Variants in EMID1 observed in about 807,000 individuals in gnomAD.
EMID1 encodes the protein EMI domain-containing protein 1.
Under a neutral mutation model 60.6 loss-of-function variants are expected in EMID1, and 40 were observed. The observed-to-expected ratio is 0.66, with a 90% CI of 0.51 to 0.86. EMID1 has a LOEUF of 0.86. Ranked by LOEUF, EMID1 falls within the 40% of genes least tolerant of loss-of-function variation. The pLI, the probability that EMID1 is intolerant of heterozygous loss-of-function variation, is 0.00. For missense variants in EMID1, 585 were observed against 597.1 expected (o/e 0.98, Z 0.21); for synonymous variants, 242 against 231.0 (o/e 1.05, Z -0.43).
At chr22:29,213,094 G>A (rs1358721962) in intron 1 of EMID1, among the ~76,000 whole-genome samples, 1 of 152,178 alleles carries the variant, frequency 6.6e-6, no homozygotes, top group Non-Finnish European at 1.5e-5. Context: ...TATAGAAATA[G>A]TTGACGTTCT....
rs991106638 is a variant in EMID1 at position 29,233,352 on chromosome 22, A to T, written c.824-27A>T. On this transcript the variant is annotated intron_variant, in intron 8 of 14. Coordinates refer to ENST00000334018, the MANE Select transcript of EMID1 (RefSeq NM_133455.4). Reference sequence around the variant, plus strand: ...TAACCACCCCACTCTACCCAGCTCTACTCACTCATCATCTTTGCTCACCCA... The same window carrying T: ...TAACCACCCCACTCTACCCAGCTCTTCTCACTCATCATCTTTGCTCACCCA... 4 of 1,612,226 alleles carry T rather than the reference A, an allele frequency of 2.5e-6. No individual in the cohort carries two copies. The South Asian group carries it at 4.4e-5, about 18-fold the overall frequency.
intron 5 of EMID1, among the ~76,000 whole-genome samples, chr22:29,228,850 C>T (rs1198545339): frequency 6.6e-6 from 1 of 152,170 alleles, no homozygotes; most frequent in Non-Finnish European, 1.5e-5. Flanking sequence ...CCTGCCTCAG[C>T]CTCCAGGAGT....
intron 3 of EMID1, among the ~76,000 whole-genome samples, chr22:29,217,601 G>A (rs1053304098): frequency 2.0e-5 from 3 of 152,226 alleles, no homozygotes; most frequent in Admixed American, 6.5e-5. Flanking sequence ...CAGCAGCCCC[G>A]GCTCGTCCAC....
rs764672609 is a variant in EMID1, at chr22:29,232,247, C to T, written c.677-9C>T. On this transcript the variant is annotated splice_polypyrimidine_tract_variant and intron_variant, in intron 7 of 14. Coordinates refer to ENST00000334018, the MANE Select transcript of EMID1 (RefSeq NM_133455.4). Reference sequence around the variant, plus strand: ...TGTATACCCACAAATCCGTGTGATTCCATTGCAGGTCCACAGGGCCCCCCA... The same window carrying T: ...TGTATACCCACAAATCCGTGTGATTTCATTGCAGGTCCACAGGGCCCCCCA... 6 of 1,611,492 alleles carry T rather than the reference C, an allele frequency of 3.7e-6. No individual in the cohort carries two copies. In the South Asian group the frequency reaches 5.5e-5, roughly 15 times the overall value.
At chr22:29,213,814 G>A (rs1324173747) in intron 1 of EMID1, among the ~76,000 whole-genome samples, 1 of 152,178 alleles carries the variant, frequency 6.6e-6, no homozygotes, top group African/African-American at 2.4e-5. Context: ...CGTTTACAGA[G>A]CCACAGACCG....
intron 13 of EMID1, among the ~76,000 whole-genome samples, chr22:29,253,387 A>C (rs982228082): frequency 2.6e-5 from 4 of 152,260 alleles, no homozygotes; most frequent in Non-Finnish European, 5.9e-5. Flanking sequence ...GTTCCAGACC[A>C]GCCTGACCAA....
At chr22:29,248,211 G>A (rs980889032) in intron 13 of EMID1, among the ~76,000 whole-genome samples, 9 of 150,370 alleles carry the variant, frequency 6.0e-5, no homozygotes, top group Middle Eastern at 3.3e-3. Flanking sequence ...CGCCTGCTTC[G>A]GTCTCCCAAA....
chr22:29,213,407 C>T (rs1159413651), intron 1 of EMID1, among the ~76,000 whole-genome samples: 1 of 152,246 alleles, frequency 6.6e-6, no homozygotes, highest in Non-Finnish European at 1.5e-5. Context: ...TCCCTTCTCC[C>T]AGCCTTCCCA....
intron 5 of EMID1, among the ~76,000 whole-genome samples, chr22:29,226,928 G>C (rs940027380): frequency 3.9e-5 from 6 of 152,102 alleles, no homozygotes; most frequent in African/African-American, 1.4e-4. Context: ...CACCAGATCA[G>C]CATAGACACT....
chr22:29,258,693 A>G, intron 14 of EMID1, 124 bp from the exon 15 acceptor site: 1 of 1,413,300 alleles, frequency 7.1e-7, no homozygotes, highest in Non-Finnish European at 9.4e-7. Flanking sequence ...CTGCAGCCAG[A>G]TACCAGGGTG....
At chr22:29,206,274 G>T in intron 1 of EMID1, 135 bp downstream of exon 1, 1 of 704,150 alleles carries the variant, frequency 1.4e-6, no homozygotes, top group Non-Finnish European at 1.9e-6. Context: ...CGGCCATCCC[G>T]CGGTCCGGCT....
At position 29,232,307 on chromosome 22, in the gene EMID1, C is replaced by G. The variant is rs756180356; in HGVS notation, c.728C>G (p.Pro243Arg). ...SPGRAGAVGT[P>R]GERGPPGPPG... The stretch of plus-strand genomic sequence containing the variant: ...GGCCGGGCTGGAGCTGTGGGCACCC[C>G]TGGAGAGAGGGGACCTCCTGGGCCA... The change falls in exon 8 of 15, where the codon CCT (proline) becomes CGT (arginine). Residue 243 changes from proline (P) to arginine (R), a missense_variant. Physicochemically the swap from Pro to Arg is moderately radical, Grantham distance 103. Transcript: ENST00000334018. 28 of 1,611,018 alleles carry G rather than the reference C, an allele frequency of 1.7e-5. No homozygotes were observed. Among genetic ancestry groups the G allele is most frequent in the Non-Finnish European group, 2.2e-5 (26 of 1,179,628 alleles).
Position 29,215,554 on chromosome 22 carries a change from C to T in EMID1, c.243C>T (p.Tyr81=). The T allele has an allele frequency of 6.2e-7, 1 of 1,614,068 alleles. No homozygotes were observed. ...SSYRTVVRPT[Y]KVMYKIVTAR... is the part of the protein sequence containing the mutation. ...ACAGAACTGTGGTGAGACCCACATA[C>T]AAGGTGATGTACAAGATAGTGACCG... Residue 81 remains tyrosine, a synonymous_variant, in exon 3 of 15, where the codon TAC becomes TAT. Coordinates refer to ENST00000334018, the MANE Select transcript of EMID1 (RefSeq NM_133455.4).
At chr22:29,256,644 G>A (rs1282662012) in intron 14 of EMID1, among the ~76,000 whole-genome samples, 3 of 152,098 alleles carry the variant, frequency 2.0e-5, no homozygotes, top group Admixed American at 6.6e-5. Flanking sequence ...CTGGCCATGA[G>A]TGGCAGGGAA....
chr22:29,243,358 C>A, intron 12 of EMID1, 87 bp from the exon 13 acceptor site: 1 of 1,356,240 alleles, frequency 7.4e-7, no homozygotes, highest in Non-Finnish European at 1.0e-6. Context: ...CTCTCCCTTT[C>A]CCCGCTCTTT....
At chr22:29,220,315 A>G (rs946080681) in intron 3 of EMID1, among the ~76,000 whole-genome samples, 2 of 152,156 alleles carry the variant, frequency 1.3e-5, no homozygotes, top group Non-Finnish European at 2.9e-5. Context: ...AGTGCACAGG[A>G]ATTGAATAGG....
In EMID1 at chr22:29,259,022, G is replaced by A. The variant is rs1234530402; in HGVS notation, c.*78G>A. On this transcript the variant is annotated 3_prime_UTR_variant, in exon 15 of 15. Transcript: ENST00000334018. ...ACTCGGCCAGCTGCCTCCAGGGACC[G>A]CCCGTCCATATTTATTAATGTCCTC... is the stretch of plus-strand genomic sequence containing the variant. 18 of 1,537,648 alleles carry A rather than the reference G, an allele frequency of 1.2e-5. No homozygotes were observed. The highest frequency in any genetic ancestry group is 2.4e-5 in the South Asian group (2 of 83,222).
intron 3 of EMID1, among the ~76,000 whole-genome samples, chr22:29,219,984 C>A (rs1057142178): frequency 6.6e-6 from 1 of 152,096 alleles, no homozygotes; most frequent in Admixed American, 6.6e-5. Context: ...TGCAAATCCA[C>A]CTACATCCAC....
Position 29,258,920 on chromosome 22 carries a change from C to T in EMID1, c.1308C>T (p.Pro436=). The T allele has an allele frequency of 6.2e-7, 1 of 1,613,232 alleles. No homozygotes were observed. The highest frequency in any genetic ancestry group is 8.5e-7 in the Non-Finnish European group (1 of 1,179,664). Residue 436 remains proline, a synonymous_variant, in exon 15 of 15, where the codon CCC becomes CCT. Transcript: ENST00000334018. ...GHATNYRIVA[P]RSRDERG The stretch of plus-strand genomic sequence containing the variant: ...CAACCAACTACCGGATCGTGGCCCC[C>T]AGGAGCCGGGACGAGAGAGGCTGAG...
Sources: gnomAD v4.1 joint callset for allele counts (sites outside exome capture counted in the v4.1 genomes callset) on GRCh38, gnomAD v4.1.1 for gene constraint, MANE v1.5 for transcripts, NCBI Gene and HGNC (gene_info 2026-07-23, HGNC 2026-07-21) for gene names.